The following PTPRT variants were observed in gnomAD, a reference collection of about 807,000 sequenced individuals.
The protein encoded by PTPRT is protein tyrosine phosphatase receptor type T.
In PTPRT, 56 loss-of-function variants were observed where a neutral mutation model predicts 176.8. The observed-to-expected ratio is 0.32, with a 90% CI of 0.26 to 0.40. The LOEUF is 0.40. PTPRT is among the 10% of genes least tolerant of loss of function. The probability of loss-of-function intolerance (pLI) is 1.00; values close to 1 mark genes in which losing one functional copy is unlikely to be tolerated. For synonymous variants in PTPRT, 783 were observed against 739.0 expected, an observed-to-expected ratio of 1.06 and a Z score of -0.96; for missense variants, 1,540 against 1,908.2, an observed-to-expected ratio of 0.81 and a Z score of 3.60.
intron 7 of PTPRT, among the ~76,000 whole-genome samples, chr20:42,574,248 C>T (rs1005289129): frequency 6.6e-6 from 1 of 152,142 alleles, no homozygotes; most frequent in Non-Finnish European, 1.5e-5. Context: ...CTTTAACTGG[C>T]AATTCCCTGC....
In PTPRT at chr20:42,812,590, C is replaced by T. The variant is rs2077715028; in HGVS notation, c.215-21124G>A. ...GGTTCAGCTGCTTGTAACACATTCT[C>T]TTTTGATTTGCACATTCAGTTATTT... On this transcript the variant is annotated intron_variant, in intron 2 of 30. Transcript: ENST00000373187. 2.0e-5 allele frequency among the ~76,000 whole-genome samples: 3 copies of T among 152,058 alleles called. No homozygotes were observed. The South Asian group carries it at 6.2e-4, about 31-fold the overall frequency.
chr20:42,140,440 C>T (rs1988569895), intron 18 of PTPRT, among the ~76,000 whole-genome samples: 1 of 152,142 alleles, frequency 6.6e-6, no homozygotes, highest in Non-Finnish European at 1.5e-5. Flanking sequence ...GAAGGCTGTA[C>T]CTACGAATAT....
At chr20:42,146,478 CACCTGGGCAGGTTTT>C (rs1370811232) in intron 17 of PTPRT, among the ~76,000 whole-genome samples, 1 of 152,154 alleles carries the variant, frequency 6.6e-6, no homozygotes, top group Non-Finnish European at 1.5e-5. Context: ...ACATTAGAAT[CACCTGGGCAGGTTTT>C]ACAACTCCCA....
chr20:42,351,447 G>A (rs2058282458), intron 10 of PTPRT, among the ~76,000 whole-genome samples: 1 of 152,054 alleles, frequency 6.6e-6, no homozygotes, highest in African/African-American at 2.4e-5. Context: ...TAGCAACATA[G>A]GAAACACTTA....
chr20:42,721,474 C>T (rs111484290), intron 6 of PTPRT, among the ~76,000 whole-genome samples: 57 of 152,208 alleles, frequency 3.7e-4, no homozygotes, highest in African/African-American at 9.9e-4. Context: ...TGTAATCAGG[C>T]GACCAATCAG....
intron 1 of PTPRT, among the ~76,000 whole-genome samples, chr20:43,010,176 C>G (rs894382807): frequency 3.3e-5 from 5 of 152,164 alleles, no homozygotes; most frequent in Admixed American, 2.0e-4. Context: ...TCTTCCCACA[C>G]TGACCCACCT....
intron 1 of PTPRT, among the ~76,000 whole-genome samples, chr20:42,972,296 A>G (rs1013543690): frequency 6.6e-6 from 1 of 151,416 alleles, no homozygotes; most frequent in African/African-American, 2.4e-5. Context: ...TAATGGCTAG[A>G]GAAGAGAAAG....
intron 18 of PTPRT, among the ~76,000 whole-genome samples, chr20:42,141,437 G>A (rs1421863945): frequency 1.3e-5 from 2 of 152,178 alleles, no homozygotes; most frequent in African/African-American, 4.8e-5. Flanking sequence ...TCTTGCCCGG[G>A]TTCTCCTAGC....
At chr20:42,402,575 A>G (rs1214575714) in intron 9 of PTPRT, among the ~76,000 whole-genome samples, 1 of 151,974 alleles carries the variant, frequency 6.6e-6, no homozygotes, top group Non-Finnish European at 1.5e-5. Flanking sequence ...AGACTGACCC[A>G]ATGACCCACA....
At chr20:42,487,859 GTA>G (rs2071490619) in intron 7 of PTPRT, among the ~76,000 whole-genome samples, 1 of 152,136 alleles carries the variant, frequency 6.6e-6, no homozygotes, top group Non-Finnish European at 1.5e-5. Context: ...GCTTATTTCT[GTA>G]TGTTTATTGA....
intron 1 of PTPRT, among the ~76,000 whole-genome samples, chr20:42,948,871 C>A (rs1188661051): frequency 2.0e-5 from 3 of 152,172 alleles, no homozygotes; most frequent in Non-Finnish European, 4.4e-5. Flanking sequence ...GAGCATCAGA[C>A]CCACGTATCC....
the PTPRT span, among the ~76,000 whole-genome samples, chr20:42,064,309 G>A: frequency 1.3e-5 from 2 of 152,058 alleles, no homozygotes; most frequent in Non-Finnish European, 2.9e-5. Context: ...GATTGAAGCG[G>A]CATTAAACTT....
chr20:42,350,541 G>T, intron 11 of PTPRT, 87 bp downstream of exon 11: 2 of 1,116,024 alleles, frequency 1.8e-6, no homozygotes, highest in East Asian at 2.4e-5. Context: ...TCTTGCCCAT[G>T]GGCATTGCCA....
chr20:42,423,852 G>A (rs1241671719), intron 9 of PTPRT, among the ~76,000 whole-genome samples: 1 of 152,174 alleles, frequency 6.6e-6, no homozygotes, highest in Non-Finnish European at 1.5e-5. Context: ...CATTTTACAT[G>A]AGGAAAAAGC....
intron 6 of PTPRT, among the ~76,000 whole-genome samples, chr20:42,703,803 C>A (rs557683437): frequency 2.9e-4 from 44 of 152,270 alleles, no homozygotes; most frequent in Middle Eastern, 3.4e-3. Context: ...CTACTTGCCC[C>A]TGCACACGAG....
intron 17 of PTPRT, among the ~76,000 whole-genome samples, chr20:42,146,810 C>T (rs1988889131): frequency 6.6e-6 from 1 of 152,198 alleles, no homozygotes. Flanking sequence ...AATGACTTCA[C>T]CCCAAATGCC....
At chr20:42,465,294 A>G (rs1415920470) in intron 8 of PTPRT, among the ~76,000 whole-genome samples, 2 of 152,178 alleles carry the variant, frequency 1.3e-5, no homozygotes, top group African/African-American at 4.8e-5. Flanking sequence ...GACTCTTGCA[A>G]TCCCACTTTT....
intron 9 of PTPRT, among the ~76,000 whole-genome samples, chr20:42,356,455 G>T (rs2058359257): frequency 6.6e-6 from 1 of 152,172 alleles, no homozygotes; most frequent in Non-Finnish European, 1.5e-5. Flanking sequence ...AGCACTCTGG[G>T]AGGCTGAGGC....
chr20:42,996,366 G>T (rs1984223756), intron 1 of PTPRT, among the ~76,000 whole-genome samples: 2 of 152,216 alleles, frequency 1.3e-5, no homozygotes, highest in South Asian at 4.1e-4. Flanking sequence ...GACTGCATAT[G>T]AGAAGTGAGA....
Sources: allele counts gnomAD v4.1 joint callset (sites outside exome capture counted in the v4.1 genomes callset), GRCh38; gene constraint gnomAD v4.1.1; transcripts MANE v1.5; gene names NCBI Gene and HGNC (gene_info 2026-07-23, HGNC 2026-07-21).